The following KMT2D variants were observed in gnomAD, a reference collection of about 807,000 sequenced individuals.
KMT2D encodes the protein lysine methyltransferase 2D.
A neutral mutation model predicts 512.7 loss-of-function variants in KMT2D; 55 were observed. That is an observed-to-expected ratio of 0.11 (90% CI 0.09 to 0.13). KMT2D has a LOEUF of 0.13. Among genes scored for constraint, KMT2D ranks in the 10% least tolerant of loss-of-function variants. KMT2D has a pLI of 1.00. For synonymous variants in KMT2D, 2,995 were observed against 2,904.0 expected (o/e 1.03, Z -1.01); for missense variants, 6,061 against 7,127.9 (o/e 0.85, Z 5.39).
In KMT2D at chr12:49,019,202, G is replaced by A. The variant is rs1942172777; in HGVS notation, c.*2578C>T. The A allele has an allele frequency of 2.5e-5, 26 of 1,034,256 alleles. No homozygotes were observed. The highest frequency in any genetic ancestry group is 3.1e-5 in the Non-Finnish European group (26 of 843,812). 64.1% of individuals were successfully genotyped at this position (1,034,256 alleles called of 1,614,324 possible). A position where few individuals can be genotyped will look rare whatever the true frequency, so the allele number is the denominator to read the frequency against. Reference sequence around the variant, plus strand: ...ACGAAGGACCAACCTTGCTGTACAGGATACACACAACACAAAATAAAGTCT... The same window carrying A: ...ACGAAGGACCAACCTTGCTGTACAGAATACACACAACACAAAATAAAGTCT... On this transcript the variant is annotated 3_prime_UTR_variant, in exon 55 of 55. Transcript: ENST00000301067.
rs1489566324 is a variant in KMT2D, at chr12:49,029,088, G to A, written c.14224C>T (p.Pro4742Ser). Residue 4742 changes from proline (P) to serine (S), a missense_variant, in exon 45 of 55, where the codon CCC becomes TCC. Physicochemically the swap from Pro to Ser is moderately conservative, Grantham distance 74. This residue lies in a region of KMT2D where 1,600 missense variants were observed against 1,754.9 expected (regional missense o/e 0.91). Transcript: ENST00000301067. Reference sequence around the variant, plus strand: ...GGGATGCTGGCCCGAGGAATGAGGGGGATGACAGGGGAGAGGGCCCGGTCC... The same window carrying A: ...GGGATGCTGGCCCGAGGAATGAGGGAGATGACAGGGGAGAGGGCCCGGTCC... Reference protein sequence around the residue: ...QEDRALSPVIPLIPRASIPVF... With the variant: ...QEDRALSPVISLIPRASIPVF... 1 of 1,606,134 alleles carries A rather than the reference G, an allele frequency of 6.2e-7. No homozygotes were observed.
At position 49,039,223 on chromosome 12, in the gene KMT2D, G is replaced by T; in HGVS notation, c.8365C>A (p.Arg2789=). Residue 2789 remains arginine, a splice_region_variant and synonymous_variant, in exon 34 of 55, where the codon CGG becomes AGG. Coordinates refer to ENST00000301067, the MANE Select transcript of KMT2D (RefSeq NM_003482.4). This position sits in a 1 kb window ranked among gnomAD's most constrained non-coding sequence, Gnocchi z 5.0. ...CCAGGGAACCTCCTGGAGCCTCACC[G>T]GCTGTTCACATCCATAGAGGAAGGC... is the stretch of plus-strand genomic sequence containing the variant. The part of the protein sequence containing the change: ...ATPSSMDVNS[R]QLVGGSQAFY... 6.2e-7 allele frequency: 1 copy of T among 1,613,664 alleles called. No individual in the cohort carries two copies. Among genetic ancestry groups the T allele is most frequent in the African/African-American group, 1.3e-5 (1 of 75,042 alleles).
intron 48 of KMT2D, 29 bp from the exon 49 acceptor site, chr12:49,027,351 G>A: frequency 1.3e-6 from 2 of 1,496,088 alleles, no homozygotes; most frequent in Non-Finnish European, 1.8e-6. Flanking sequence ...TATCATTAGT[G>A]CCAGCTCCTC....
In KMT2D at chr12:49,031,662, C is replaced by A. The variant is rs777614562; in HGVS notation, c.13043G>T (p.Gly4348Val). ...CCCAGGAGGCGGCTCCAAGGTTGGCCCCTGAGGTTTGGGGGTCCCTGGATG... is the reference window on the plus strand; with the variant it reads ...CCCAGGAGGCGGCTCCAAGGTTGGCACCTGAGGTTTGGGGGTCCCTGGATG... ...PTHPGTPKPQGPTLEPPPGRV... is the reference protein window; with the variant it reads ...PTHPGTPKPQVPTLEPPPGRV... The change falls in exon 40 of 55, where the codon GGG becomes GTG. Residue 4348 changes from glycine (G) to valine (V), a missense_variant. Around this residue, in one of 16 missense-constraint regions of KMT2D, gnomAD observed 1,600 missense variants for 1,754.9 expected, o/e 0.91. Coordinates refer to ENST00000301067, the MANE Select transcript of KMT2D (RefSeq NM_003482.4). 2 of 1,609,366 alleles carry A rather than the reference C, an allele frequency of 1.2e-6. No homozygotes were observed. Among genetic ancestry groups the A allele is most frequent in the South Asian group, 2.2e-5 (2 of 90,096 alleles).
chr12:49,033,698 A>ACACCC lies in KMT2D; in HGVS notation c.11006_11007insGGGTG (p.Pro3671ValfsTer80). 6.2e-7 allele frequency: 1 copy of ACACCC among 1,613,656 alleles called. No homozygotes were observed. The highest frequency in any genetic ancestry group is 8.5e-7 in the Non-Finnish European group (1 of 1,179,870). ...CCAGAGCTGTATTAAGGAAGGGGCC[A>ACACCC]CCAGGCTGTCCAGGTAGTGCCATAC... On this transcript the variant is annotated frameshift_variant, in exon 40 of 55. Coordinates refer to ENST00000301067, the MANE Select transcript of KMT2D (RefSeq NM_003482.4). LOFTEE classifies it high-confidence loss of function.
rs2120526257 is a variant in KMT2D, at chr12:49,040,296, C to G, written c.7474G>C (p.Gly2492Arg). The change falls in exon 32 of 55, where the codon GGG becomes CGG. Residue 2492 changes from glycine to arginine, a missense_variant. Transcript: ENST00000301067. ...GSLAHTSLGA[G>R]GFPAALPAGP... ...GCGGGCAGGGCTGCTGGGAACCCCC[C>G]AGCCCCCAGCGAAGTGTGGGCTAGA... is the stretch of plus-strand genomic sequence containing the variant. 2 of 1,596,820 alleles carry G rather than the reference C, an allele frequency of 1.3e-6. No individual in the cohort carries two copies. Among genetic ancestry groups the G allele is most frequent in the Non-Finnish European group, 1.7e-6 (2 of 1,170,584 alleles).
chr12:49,050,004 G>A lies in KMT2D; in HGVS notation c.3584C>T (p.Thr1195Ile), dbSNP rs1267389918. The stretch of plus-strand genomic sequence containing the variant: ...GTCGGATTTGATGAGAGTGGGTGGT[G>A]TGGGGGCCACCGGTGCACGTGGCTC... ...QEEPRAPVAP[T>I]PPTLIKSDIV... The change falls in exon 12 of 55, where the codon ACA (threonine) becomes ATA (isoleucine). Residue 1195 changes from threonine to isoleucine, a missense_variant. Thr to Ile is a moderately conservative substitution (Grantham distance 89, BLOSUM62 -1). This residue lies in a region of KMT2D where 447 missense variants were observed against 500.1 expected (regional missense o/e 0.89). Transcript: ENST00000301067. 4.3e-6 allele frequency: 7 copies of A among 1,613,980 alleles called. No individual in the cohort carries two copies. The highest frequency in any genetic ancestry group is 5.9e-6 in the Non-Finnish European group (7 of 1,179,908).
At position 49,053,448 on chromosome 12, in the gene KMT2D, G is replaced by C. The variant is rs187220111; in HGVS notation, c.839+28C>G. On this transcript the variant is annotated intron_variant, in intron 7 of 54. Coordinates refer to ENST00000301067, the MANE Select transcript of KMT2D (RefSeq NM_003482.4). ...CAACCCTAACCTGTGTTGTGCCTAAGACTTTCCTCCTGCCCTTCCATTCCT... is the reference window on the plus strand; with the variant it reads ...CAACCCTAACCTGTGTTGTGCCTAACACTTTCCTCCTGCCCTTCCATTCCT... 220 of 1,610,828 alleles carry C rather than the reference G, an allele frequency of 1.4e-4. 1 individual carries two copies. In the Admixed American group the frequency reaches 2.7e-3, roughly 20 times the overall value.
Position 49,028,817 on chromosome 12 carries a change from C to A in KMT2D, c.14382+11G>T. The A allele has an allele frequency of 6.2e-7, 1 of 1,613,526 alleles. No homozygotes were observed. On this transcript the variant is annotated intron_variant, in intron 46 of 54. Transcript: ENST00000301067. ...GGTTCCCCTCAGCCTCGAGGTACCC[C>A]TAGGACACACCTTGGCTGCAGCAGC...
At position 49,041,186 on chromosome 12, in the gene KMT2D, G is replaced by C. The variant is rs2120543110; in HGVS notation, c.6584C>G (p.Thr2195Ser). The C allele has an allele frequency of 6.6e-7, 1 of 1,516,876 alleles. No homozygotes were observed. Among genetic ancestry groups the C allele is most frequent in the South Asian group, 1.3e-5 (1 of 74,904 alleles). The allele number at this position is 1,516,876 out of a possible 1,614,324, so 94.0% of individuals were successfully genotyped here. ...CGTAGGACTAGGATAGGGGGGATAG[G>C]TGGGCGGTGCCGTGGGGAAGCGGGG... Reference protein sequence around the residue: ...LEPRFPTAPPTYPPYPSPTGA... With the variant: ...LEPRFPTAPPSYPPYPSPTGA... Residue 2195 changes from threonine (T) to serine (S), a missense_variant, in exon 32 of 55, where the codon ACC (threonine) becomes AGC (serine). Thr to Ser is a moderately conservative substitution (Grantham distance 58). Around this residue, in one of 16 missense-constraint regions of KMT2D, gnomAD observed 710 missense variants for 647.3 expected, o/e 1.10. Coordinates refer to ENST00000301067, the MANE Select transcript of KMT2D (RefSeq NM_003482.4). The surrounding 1 kb of genome is among the most constrained non-coding windows in gnomAD (Gnocchi z 5.4).
chr12:49,036,054 G>A (rs545370978), intron 35 of KMT2D: 24 of 152,278 alleles, frequency 1.6e-4, no homozygotes, highest in African/African-American at 5.3e-4. Flanking sequence ...TATTTAATGA[G>A]TCTGCTATAA....
rs1942737339 is a variant in KMT2D, at chr12:49,028,726, G to C, written c.14382+102C>G. 5 of 1,461,374 alleles carry C rather than the reference G, an allele frequency of 3.4e-6. No homozygotes were observed. In the African/African-American group the frequency reaches 7.0e-5, roughly 20 times the overall value. 90.5% of individuals were successfully genotyped at this position (1,461,374 alleles called of 1,614,324 possible). A position where few individuals can be genotyped will look rare whatever the true frequency, so the allele number is the denominator to read the frequency against. On this transcript the variant is annotated intron_variant, in intron 46 of 54. Coordinates refer to ENST00000301067, the MANE Select transcript of KMT2D (RefSeq NM_003482.4). Reference sequence around the variant, plus strand: ...GGCTTTCACATACAATAGGTACTCAGTACATGTGCTTGAACGACTACATTT... The same window carrying C: ...GGCTTTCACATACAATAGGTACTCACTACATGTGCTTGAACGACTACATTT...
rs1938659267 is a variant in KMT2D, at chr12:49,060,156, CGACGCGGGGCCGGCGGGGCCGCGGG to C, written c.-606_-582del. Among the ~76,000 whole-genome samples, 1 of 151,416 alleles carries C rather than the reference CGACGCGGGGCCGGCGGGGCCGCGGG, an allele frequency of 6.6e-6. No homozygotes were observed. Among genetic ancestry groups the C allele is most frequent in the Non-Finnish European group, 1.5e-5 (1 of 67,770 alleles). On this transcript the variant is annotated 5_prime_UTR_variant, in exon 1 of 55. Coordinates refer to ENST00000301067, the MANE Select transcript of KMT2D (RefSeq NM_003482.4). Reference sequence around the variant, plus strand: ...GCGCCCGGGGCCGCGCGAGCTACGGCGACGCGGGGCCGGCGGGGCCGCGGGGCTGAACCTGACACACACCCAGCGC... The same window carrying C: ...GCGCCCGGGGCCGCGCGAGCTACGGCGCTGAACCTGACACACACCCAGCGC...
chr12:49,043,679 C>T lies in KMT2D; in HGVS notation c.5423G>A (p.Gly1808Glu), dbSNP rs765343914. Residue 1808 changes from glycine (G) to glutamate (E), a missense_variant, in exon 24 of 55, where the codon GGA (glycine) becomes GAA (glutamate). Transcript: ENST00000301067. Reference sequence around the variant, plus strand: ...TTCCTTCCTTTCTGAGCCTCCATCTCCCTTGGCTTTTGGGGTCCCTAGTCC... The same window carrying T: ...TTCCTTCCTTTCTGAGCCTCCATCTTCCTTGGCTTTTGGGGTCCCTAGTCC... Reference protein sequence around the residue: ...SFGLGTPKAKGDGGSERKELP... With the variant: ...SFGLGTPKAKEDGGSERKELP... The T allele has an allele frequency of 1.2e-6, 2 of 1,614,064 alleles. No individual in the cohort carries two copies. Among genetic ancestry groups the T allele is most frequent in the Admixed American group, 3.3e-5 (2 of 60,030 alleles).
intron 1 of KMT2D, among the ~76,000 whole-genome samples, chr12:49,057,666 G>C (rs116050103): frequency 0.011 from 1,616 of 152,282 alleles, 34 homozygotes; most frequent in African/African-American, 0.037. Flanking sequence ...CTGCAGTCCA[G>C]CACAGGGATC....
Position 49,040,293 on chromosome 12 carries a change from C to T in KMT2D, c.7477G>A (p.Gly2493Arg), listed in dbSNP as rs1943446505. Residue 2493 changes from glycine (G) to arginine (R), a missense_variant, in exon 32 of 55, where the codon GGG (glycine) becomes AGG (arginine). This residue lies in a region of KMT2D where 710 missense variants were observed against 647.3 expected (regional missense o/e 1.10). Transcript: ENST00000301067. ...SLAHTSLGAG[G>R]FPAALPAGPA... is the part of the protein sequence containing the mutation. Reference sequence around the variant, plus strand: ...CCCGCGGGCAGGGCTGCTGGGAACCCCCCAGCCCCCAGCGAAGTGTGGGCT... The same window carrying T: ...CCCGCGGGCAGGGCTGCTGGGAACCTCCCAGCCCCCAGCGAAGTGTGGGCT... 6.3e-7 allele frequency: 1 copy of T among 1,596,438 alleles called. No individual in the cohort carries two copies. Among genetic ancestry groups the T allele is most frequent in the South Asian group, 1.1e-5 (1 of 88,728 alleles).
In KMT2D at chr12:49,038,073, C is replaced by T. The variant is rs936068276; in HGVS notation, c.9283G>A (p.Gly3095Ser). ...LLRGVEPGPL[G>S]PEERPPPAAD... ...GCAGGGGGAGGGCGCTCCTCAGGGC[C>T]CAAGGGTCCTGGCTCCACCCCCCGC... The change falls in exon 35 of 55, where the codon GGC (glycine) becomes AGC (serine). Residue 3095 changes from glycine to serine, a missense_variant. By Grantham distance (56) the Gly-to-Ser change is moderately conservative. Around this residue, in one of 16 missense-constraint regions of KMT2D, gnomAD observed 533 missense variants for 539.6 expected, o/e 0.99. Transcript: ENST00000301067. The surrounding 1 kb of genome is among the most constrained non-coding windows in gnomAD (Gnocchi z 5.7). 3 of 1,613,454 alleles carry T rather than the reference C, an allele frequency of 1.9e-6. 1 individual carries two copies. The highest frequency in any genetic ancestry group is 2.2e-5 in the South Asian group (2 of 91,038).
intron 43 of KMT2D, 22 bp from the exon 44 acceptor site, chr12:49,029,498 G>T: frequency 6.5e-7 from 1 of 1,544,556 alleles, no homozygotes; most frequent in East Asian, 2.4e-5. Flanking sequence ...GTAGGGAGAA[G>T]AAAAGTCAGG....
In KMT2D at chr12:49,027,840, A is replaced by G. The variant is rs748697878; in HGVS notation, c.14606T>C (p.Leu4869Pro). 1.3e-6 allele frequency: 2 copies of G among 1,595,148 alleles called. No homozygotes were observed. The highest frequency in any genetic ancestry group is 2.3e-5 in the East Asian group (1 of 43,962). ...QFDAVLPGYT[L>P]KSQLDILSLL... is the part of the protein sequence containing the mutation. Reference sequence around the variant, plus strand: ...GCTCAAGATGTCTAGTTGGCTCTTCAGGGTATAGCCAGGCAACACTGCATC... The same window carrying G: ...GCTCAAGATGTCTAGTTGGCTCTTCGGGGTATAGCCAGGCAACACTGCATC... The change falls in exon 48 of 55, where the codon CTG (leucine) becomes CCG (proline). Residue 4869 changes from leucine (L) to proline (P), a missense_variant. By Grantham distance (98) the Leu-to-Pro change is moderately conservative. Transcript: ENST00000301067.
Sources: allele counts gnomAD v4.1 joint callset (sites outside exome capture counted in the v4.1 genomes callset), GRCh38; gene constraint gnomAD v4.1.1; regional missense constraint gnomAD v4.1.1; non-coding constraint Gnocchi (gnomAD v3.1); transcripts MANE v1.5; gene names NCBI Gene and HGNC (gene_info 2026-07-23, HGNC 2026-07-21).